ANAPC10: variants seen among roughly 807,000 people sequenced by gnomAD.
ANAPC10 encodes anaphase-promoting complex subunit 10.
A neutral mutation model predicts 22.0 loss-of-function variants in ANAPC10; 12 were observed. That is an observed-to-expected ratio of 0.55 (90% CI 0.35 to 0.88). The LOEUF (loss-of-function observed/expected upper bound fraction) is 0.88, where lower values mean the gene tolerates loss of function less well. Ranked by LOEUF, ANAPC10 falls within the 40% of genes least tolerant of loss-of-function variation. The pLI, the probability that ANAPC10 is intolerant of heterozygous loss-of-function variation, is 0.01. For synonymous variants in ANAPC10, 65 were observed against 69.5 expected, an observed-to-expected ratio of 0.94 and a Z score of 0.32; for missense variants, 188 against 220.9, an observed-to-expected ratio of 0.85 and a Z score of 0.94.
chr4:145,081,018 C>A, intron 3 of ANAPC10, among the ~76,000 whole-genome samples: 1 of 151,928 alleles, frequency 6.6e-6, no homozygotes, highest in East Asian at 1.9e-4. Context: ...TGCCTGGAAC[C>A]CCAGCATTTT....
intron 4 of ANAPC10, among the ~76,000 whole-genome samples, chr4:145,063,011 T>C (rs1743135662): frequency 6.6e-6 from 1 of 152,110 alleles, no homozygotes; most frequent in Admixed American, 6.5e-5. Flanking sequence ...GGGGCTATAA[T>C]GGAAGGAGGG....
At chr4:145,084,486 G>A (rs2126612305) in intron 2 of ANAPC10, among the ~76,000 whole-genome samples, 2 of 152,200 alleles carry the variant, frequency 1.3e-5, no homozygotes, top group South Asian at 4.2e-4. Flanking sequence ...CAGACCAGGG[G>A]TGTCTAATCT....
intron 4 of ANAPC10, among the ~76,000 whole-genome samples, chr4:145,021,477 G>A (rs1354410438): frequency 1.3e-5 from 2 of 152,028 alleles, no homozygotes; most frequent in African/African-American, 2.4e-5. Context: ...GACACATATA[G>A]GACAATGAAA....
At chr4:145,045,992 T>C (rs191183871) in intron 4 of ANAPC10, among the ~76,000 whole-genome samples, 194 of 152,246 alleles carry the variant, frequency 1.3e-3, no homozygotes, top group African/African-American at 4.5e-3. Context: ...TTATAAATTT[T>C]CAAACATAAC....
At chr4:145,037,230 A>C (rs1738717964) in intron 4 of ANAPC10, among the ~76,000 whole-genome samples, 1 of 152,182 alleles carries the variant, frequency 6.6e-6, no homozygotes, top group South Asian at 2.1e-4. Context: ...CGTATCTTTT[A>C]TCTTAGAACA....
At chr4:145,001,370 A>T (rs1732544242) in intron 4 of ANAPC10, among the ~76,000 whole-genome samples, 1 of 152,188 alleles carries the variant, frequency 6.6e-6, no homozygotes, top group Non-Finnish European at 1.5e-5. Context: ...CCACAAAAAG[A>T]CAAATACTGC....
In ANAPC10 at chr4:144,995,371, A is replaced by T; in HGVS notation, c.*2T>A. ...TTTAATGATTTTCGTCTCATTTTAA[A>T]GTCACCTTATTGAACGATACATCAT... On this transcript the variant is annotated 3_prime_UTR_variant, in exon 5 of 5. Transcript: ENST00000507656. 6.3e-7 allele frequency: 1 copy of T among 1,585,500 alleles called. No homozygotes were observed. Among genetic ancestry groups the T allele is most frequent in the Non-Finnish European group, 8.6e-7 (1 of 1,157,500 alleles).
At chr4:145,023,697 A>G (rs564407232) in intron 4 of ANAPC10, among the ~76,000 whole-genome samples, 2 of 152,314 alleles carry the variant, frequency 1.3e-5, no homozygotes, top group African/African-American at 4.8e-5. Context: ...AAAAAGTGCT[A>G]ACAATCATCT....
At chr4:145,003,631 G>A (rs966263404) in intron 4 of ANAPC10, among the ~76,000 whole-genome samples, 6 of 152,116 alleles carry the variant, frequency 3.9e-5, no homozygotes, top group African/African-American at 1.4e-4. Flanking sequence ...TGTCGACTTC[G>A]TTGAAGATCA....
chr4:145,068,599 ATATGTTCCTGG>A (rs773380438), intron 3 of ANAPC10, among the ~76,000 whole-genome samples: 4 of 152,210 alleles, frequency 2.6e-5, no homozygotes, highest in African/African-American at 7.2e-5. Context: ...ATTCTTCCAT[ATATGTTCCTGG>A]TATAAAAGTG....
chr4:145,070,064 A>T (rs927637525), intron 3 of ANAPC10, among the ~76,000 whole-genome samples: 5 of 152,222 alleles, frequency 3.3e-5, no homozygotes, highest in Non-Finnish European at 7.3e-5. Context: ...TGAGATACAT[A>T]TATAAAGATT....
intron 2 of ANAPC10, among the ~76,000 whole-genome samples, chr4:145,094,728 T>C (rs1263700694): frequency 6.6e-6 from 1 of 151,530 alleles, no homozygotes; most frequent in African/African-American, 2.4e-5. Flanking sequence ...AAAAGATATC[T>C]GGCAAATGCC....
chr4:145,024,856 T>C (rs1036654553), intron 4 of ANAPC10, among the ~76,000 whole-genome samples: 2 of 152,250 alleles, frequency 1.3e-5, no homozygotes, highest in Non-Finnish European at 1.5e-5. Context: ...TCTCTAGCTA[T>C]GGAAGTCGTA....
At chr4:145,093,162 G>A (rs72952201) in intron 2 of ANAPC10, among the ~76,000 whole-genome samples, 4,755 of 152,272 alleles carry the variant, frequency 0.031, 222 homozygotes, top group African/African-American at 0.11. Context: ...ACAAGTGTGC[G>A]CCAAAGCACA....
chr4:145,031,784 T>A (rs1737627089), intron 4 of ANAPC10, among the ~76,000 whole-genome samples: 1 of 152,222 alleles, frequency 6.6e-6, no homozygotes, highest in African/African-American at 2.4e-5. Flanking sequence ...GCCTGCCATC[T>A]TTTGCAAATA....
chr4:145,049,552 C>T (rs1227768421), intron 4 of ANAPC10, among the ~76,000 whole-genome samples: 2 of 152,138 alleles, frequency 1.3e-5, no homozygotes, highest in East Asian at 1.9e-4. Context: ...AATGAGATTG[C>T]TGCAATTTGG....
chr4:145,081,902 G>T (rs1023636926), intron 2 of ANAPC10, 152 bp from the exon 3 acceptor site: 7 of 634,744 alleles, frequency 1.1e-5, no homozygotes, highest in African/African-American at 9.3e-5. Flanking sequence ...TGTAGACAGG[G>T]TCTTGCTGTG....
At chr4:145,030,338 A>G (rs1223552598) in intron 4 of ANAPC10, among the ~76,000 whole-genome samples, 2 of 152,192 alleles carry the variant, frequency 1.3e-5, no homozygotes, top group African/African-American at 4.8e-5. Context: ...GAAGGACCCC[A>G]CTACATTACC....
chr4:145,015,963 A>C (rs1405203367), intron 4 of ANAPC10, among the ~76,000 whole-genome samples: 2 of 152,092 alleles, frequency 1.3e-5, no homozygotes, highest in Non-Finnish European at 2.9e-5. Context: ...AAATCCTGGA[A>C]ACACATCAAA....
Sources: gnomAD v4.1 joint callset for allele counts (sites outside exome capture counted in the v4.1 genomes callset) on GRCh38, gnomAD v4.1.1 for gene constraint, MANE v1.5 for transcripts, NCBI Gene and HGNC (gene_info 2026-07-23, HGNC 2026-07-21) for gene names.